TMEM170B: variants seen among roughly 807,000 people sequenced by gnomAD.
The protein encoded by TMEM170B is transmembrane protein 170B.
TMEM170B carries 6 observed loss-of-function variants against 13.0 expected under a neutral mutation model. The ratio of observed to expected loss-of-function variants is 0.46; its 90% CI spans 0.25 to 0.91. TMEM170B has a LOEUF of 0.91. Among genes scored for constraint, TMEM170B ranks in the 40% least tolerant of loss-of-function variants. The probability of loss-of-function intolerance (pLI) is 0.17; values close to 1 mark genes in which losing one functional copy is unlikely to be tolerated. For synonymous variants in TMEM170B, 61 were observed against 64.9 expected, an observed-to-expected ratio of 0.94 and a Z score of 0.29; for missense variants, 138 against 165.2, an observed-to-expected ratio of 0.84 and a Z score of 0.90.
chr6:11,568,895 T>C (rs1020286226), intron 2 of TMEM170B, among the ~76,000 whole-genome samples: 1 of 152,148 alleles, frequency 6.6e-6, no homozygotes, highest in African/African-American at 2.4e-5. Flanking sequence ...GATTTTATTT[T>C]GAAACTAGAG....
At chr6:11,558,693 C>T (rs1362216624) in intron 1 of TMEM170B, among the ~76,000 whole-genome samples, 4 of 152,166 alleles carry the variant, frequency 2.6e-5, no homozygotes, top group African/African-American at 7.2e-5. Flanking sequence ...TCACGTGTGG[C>T]GATGACTCTT....
At chr6:11,551,039 T>G (rs965181344) in intron 1 of TMEM170B, among the ~76,000 whole-genome samples, 10 of 152,212 alleles carry the variant, frequency 6.6e-5, no homozygotes, top group African/African-American at 1.9e-4. Context: ...GGAATGCTGG[T>G]TCTGGCTCAG....
At chr6:11,552,387 A>C (rs1759536549) in intron 1 of TMEM170B, among the ~76,000 whole-genome samples, 1 of 152,198 alleles carries the variant, frequency 6.6e-6, no homozygotes, top group Non-Finnish European at 1.5e-5. Flanking sequence ...ATGCAGTATT[A>C]GCCATAGAAA....
chr6:11,553,920 A>G (rs1312527894), intron 1 of TMEM170B, among the ~76,000 whole-genome samples: 5 of 152,168 alleles, frequency 3.3e-5, no homozygotes, highest in African/African-American at 2.4e-5. Context: ...GATTCCTTCC[A>G]GTTATGAAAT....
rs542016027 is a variant in TMEM170B, at chr6:11,542,581, C to T, written c.97+4207C>T. The stretch of plus-strand genomic sequence containing the variant: ...AATTCTAGGCGTCAGGATAAAAATG[C>T]AGAAAGAAACAGATTAGAAATATGT... On this transcript the variant is annotated intron_variant, in intron 1 of 2. Transcript: ENST00000379426. Among the ~76,000 whole-genome samples, 4 of 152,252 alleles carry T rather than the reference C, an allele frequency of 2.6e-5. No individual in the cohort carries two copies. In the East Asian group the frequency reaches 5.8e-4, roughly 22 times the overall value.
intron 2 of TMEM170B, among the ~76,000 whole-genome samples, chr6:11,567,102 G>A (rs1386550565): frequency 1.3e-5 from 2 of 152,226 alleles, no homozygotes; most frequent in Admixed American, 1.3e-4. Flanking sequence ...TTCCTGGTGG[G>A]TGGGGGCAGC....
chr6:11,560,722 A>AAG (rs2308123), intron 1 of TMEM170B, among the ~76,000 whole-genome samples: 206 of 151,758 alleles, frequency 1.4e-3, no homozygotes, highest in African/African-American at 4.8e-3. Flanking sequence ...TTATCTCTAA[A>AAG]AGCCATTGTT....
intron 1 of TMEM170B, among the ~76,000 whole-genome samples, chr6:11,563,165 A>G (rs1759693023): frequency 6.6e-6 from 1 of 152,070 alleles, no homozygotes; most frequent in Non-Finnish European, 1.5e-5. Context: ...GAGAAACCCC[A>G]TCTCTACTAA....
chr6:11,557,886 G>A (rs1425939701), intron 1 of TMEM170B, among the ~76,000 whole-genome samples: 2 of 152,082 alleles, frequency 1.3e-5, no homozygotes, highest in East Asian at 1.9e-4. Context: ...CTTTAAAATG[G>A]TTATTATTTA....
chr6:11,539,257 G>T (rs1274252407), intron 1 of TMEM170B, among the ~76,000 whole-genome samples: 2 of 152,232 alleles, frequency 1.3e-5, no homozygotes, highest in East Asian at 1.9e-4. Flanking sequence ...AAGAGATTCA[G>T]TTGCGATTTG....
chr6:11,559,329 G>A (rs1759630541), intron 1 of TMEM170B, among the ~76,000 whole-genome samples: 1 of 151,534 alleles, frequency 6.6e-6, no homozygotes, highest in Non-Finnish European at 1.5e-5. Flanking sequence ...CCTGGGTAGT[G>A]AGGGACCACA....
rs55902701 is a variant in TMEM170B, at chr6:11,575,128, G to A, written c.269-303G>A. ...AGTTAATTGAATGCCCAGGTGAGAG[G>A]TTGCAATAATGAATTATTCATTGTT... is the stretch of plus-strand genomic sequence containing the variant. On this transcript the variant is annotated intron_variant, in intron 2 of 2. Coordinates refer to ENST00000379426, the MANE Select transcript of TMEM170B (RefSeq NM_001100829.3). This position sits in a 1 kb window ranked among gnomAD's most constrained non-coding sequence, Gnocchi z 4.1. Among the ~76,000 whole-genome samples the A allele has an allele frequency of 0.059, 8,936 of 151,736 alleles. 345 individuals carry two copies. Among genetic ancestry groups the A allele is most frequent in the Middle Eastern group, 0.13 (38 of 294 alleles).
intron 1 of TMEM170B, among the ~76,000 whole-genome samples, chr6:11,541,606 T>TA (rs1407332962): frequency 2.6e-5 from 4 of 152,214 alleles, no homozygotes; most frequent in African/African-American, 7.2e-5. Flanking sequence ...TTTGCTTTCT[T>TA]ATGATTTGTG....
chr6:11,554,427 C>T (rs954347260), intron 1 of TMEM170B, among the ~76,000 whole-genome samples: 8 of 150,986 alleles, frequency 5.3e-5, no homozygotes, highest in African/African-American at 1.7e-4. Context: ...GAGTAAAAAT[C>T]ACTGGAATTA....
intron 2 of TMEM170B, among the ~76,000 whole-genome samples, chr6:11,572,738 A>G (rs1561689672): frequency 1.3e-5 from 2 of 152,130 alleles, no homozygotes; most frequent in South Asian, 2.1e-4. Context: ...TCAGTTTGGT[A>G]TGTATCCGCC....
chr6:11,540,711 T>C lies in TMEM170B; in HGVS notation c.97+2337T>C, dbSNP rs907061027. ...TCTTAAGGGCATCTGGAATGGTGAC[T>C]CCTTTCCAGAAGGTTTTCAATTTCC... On this transcript the variant is annotated intron_variant, in intron 1 of 2. Coordinates refer to ENST00000379426, the MANE Select transcript of TMEM170B (RefSeq NM_001100829.3). Among the ~76,000 whole-genome samples the C allele has an allele frequency of 2.6e-5, 4 of 152,232 alleles. No homozygotes were observed. The East Asian group carries it at 7.7e-4, about 29-fold the overall frequency.
chr6:11,545,262 G>GC, intron 1 of TMEM170B, among the ~76,000 whole-genome samples: 1 of 113,540 alleles, frequency 8.8e-6, no homozygotes, highest in Non-Finnish European at 2.0e-5. Flanking sequence ...AGGTTAAAAG[G>GC]CTTCTCTCTC....
intron 2 of TMEM170B, among the ~76,000 whole-genome samples, chr6:11,571,297 C>G (rs777680557): frequency 9.9e-5 from 15 of 152,086 alleles, no homozygotes; most frequent in Non-Finnish European, 1.9e-4. Flanking sequence ...GTGATCCTCC[C>G]AACTCAGCCT....
At chr6:11,561,511 A>G (rs75145593) in intron 1 of TMEM170B, among the ~76,000 whole-genome samples, 7,740 of 152,182 alleles carry the variant, frequency 0.051, 273 homozygotes, top group African/African-American at 0.095. Flanking sequence ...AGTAGGTTTC[A>G]TGTATTTGCC....
Sources: allele counts gnomAD v4.1 joint callset (sites outside exome capture counted in the v4.1 genomes callset), GRCh38; gene constraint gnomAD v4.1.1; non-coding constraint Gnocchi (gnomAD v3.1); transcripts MANE v1.5; gene names NCBI Gene and HGNC (gene_info 2026-07-23, HGNC 2026-07-21).